DISP2: variants seen among roughly 807,000 people sequenced by gnomAD.
DISP2 encodes the protein protein dispatched homolog 2.
DISP2 carries 59 observed loss-of-function variants against 95.5 expected under a neutral mutation model. The ratio of observed to expected loss-of-function variants is 0.62; its 90% CI spans 0.50 to 0.77. The LOEUF (loss-of-function observed/expected upper bound fraction) is 0.77, where lower values mean the gene tolerates loss of function less well. Among genes scored for constraint, DISP2 ranks in the 30% least tolerant of loss-of-function variants. The pLI, the probability that DISP2 is intolerant of heterozygous loss-of-function variation, is 0.00. For missense variants in DISP2, 1,752 were observed against 1,854.6 expected, an observed-to-expected ratio of 0.94 and a Z score of 1.02; for synonymous variants, 827 against 815.0, an observed-to-expected ratio of 1.01 and a Z score of -0.25.
rs3803358 is a variant in DISP2 at position 40,370,572 on chromosome 15, C to T, written c.*254C>T. 66,986 of 699,276 alleles carry T rather than the reference C, an allele frequency of 0.096. 3,846 individuals are homozygous for T. Among genetic ancestry groups the T allele is most frequent in the Non-Finnish European group, 0.12 (47,915 of 391,292 alleles). The allele number at this position is 699,276 out of a possible 1,614,324, so 43.3% of individuals were successfully genotyped here. On this transcript the variant is annotated 3_prime_UTR_variant, in exon 8 of 8. Coordinates refer to ENST00000267889, the MANE Select transcript of DISP2 (RefSeq NM_033510.3). ...GACCTGCTGAGGGCTTGTCTGCTCC[C>T]ACAGCACCATCTAAGACCCCTCCTC... is the stretch of plus-strand genomic sequence containing the variant.
Position 40,368,697 on chromosome 15 carries a change from C to T in DISP2, c.2585C>T (p.Ser862Leu), listed in dbSNP as rs1465777679. The T allele has an allele frequency of 3.1e-6, 5 of 1,612,808 alleles. No homozygotes were observed. In the African/African-American group the frequency reaches 6.7e-5, roughly 22 times the overall value. The change falls in exon 8 of 8, where the codon TCG (serine) becomes TTG (leucine). Residue 862 changes from serine to leucine, a missense_variant. Physicochemically the swap from Ser to Leu is moderately radical, Grantham distance 145. Around this residue, in one of 5 missense-constraint regions of DISP2, gnomAD observed 317 missense variants for 394.9 expected, o/e 0.80. Coordinates refer to ENST00000267889, the MANE Select transcript of DISP2 (RefSeq NM_033510.3). The part of the protein sequence containing the change: ...RLGPDLCCGH[S>L]DFPWAPQFFL... ...GGGCCTGACCTCTGCTGCGGCCACT[C>T]GGACTTCCCCTGGGCCCCCCAGTTT...
At position 40,378,094 on chromosome 15, in the gene DISP2, A is replaced by G. The variant is rs1037819637; in HGVS notation, c.*7776A>G. 1.3e-5 allele frequency: 2 copies of G among 152,240 alleles called. No individual in the cohort carries two copies. Among genetic ancestry groups the G allele is most frequent in the African/African-American group, 2.4e-5 (1 of 41,460 alleles). 9.4% of individuals were successfully genotyped at this position (152,240 alleles called of 1,614,324 possible). A position where few individuals can be genotyped will look rare whatever the true frequency, so the allele number is the denominator to read the frequency against. ...AGCACCCAAAAATGTAAAATTCACA[A>G]TGGCTGGTTTTCCAATAAAAAATTA... On this transcript the variant is annotated 3_prime_UTR_variant, in exon 8 of 8. Coordinates refer to ENST00000267889, the MANE Select transcript of DISP2 (RefSeq NM_033510.3).
rs1338613897 is a variant in DISP2 at position 40,370,578 on chromosome 15, A to G, written c.*260A>G. On this transcript the variant is annotated 3_prime_UTR_variant, in exon 8 of 8. Coordinates refer to ENST00000267889, the MANE Select transcript of DISP2 (RefSeq NM_033510.3). ...CTGAGGGCTTGTCTGCTCCCACAGC[A>G]CCATCTAAGACCCCTCCTCTAGAAG... is the stretch of plus-strand genomic sequence containing the variant. 1.5e-6 allele frequency: 1 copy of G among 679,198 alleles called. No homozygotes were observed. Among genetic ancestry groups the G allele is most frequent in the South Asian group, 1.5e-5 (1 of 66,714 alleles). 42.1% of individuals were successfully genotyped at this position (679,198 alleles called of 1,614,324 possible).
chr15:40,362,438 G>A (rs1469183001), intron 1 of DISP2, among the ~76,000 whole-genome samples: 2 of 152,218 alleles, frequency 1.3e-5, no homozygotes, highest in Non-Finnish European at 2.9e-5. Flanking sequence ...ACTATTAGCA[G>A]CCAGCCTAGC....
Position 40,368,113 on chromosome 15 carries a change from G to A in DISP2, c.2001G>A (p.Arg667=). 1 of 1,366,344 alleles carries A rather than the reference G, an allele frequency of 7.3e-7. No homozygotes were observed. Among genetic ancestry groups the A allele is most frequent in the Non-Finnish European group, 9.4e-7 (1 of 1,068,544 alleles). 84.6% of individuals were successfully genotyped at this position (1,366,344 alleles called of 1,614,324 possible). A position where few individuals can be genotyped will look rare whatever the true frequency, so the allele number is the denominator to read the frequency against. The change falls in exon 8 of 8, where the codon CGG becomes CGA. Residue 667 remains arginine, a synonymous_variant. Coordinates refer to ENST00000267889, the MANE Select transcript of DISP2 (RefSeq NM_033510.3). ...RGRWEGSAPR[R]LLLALHRRLR... ...GGTGGGAGGGCAGCGCGCCCCGGCG[G>A]CTACTGCTGGCGCTGCACCGGCGGC...
intron 7 of DISP2, 95 bp downstream of exon 7, chr15:40,365,820 G>C: frequency 8.2e-7 from 1 of 1,222,136 alleles, no homozygotes; most frequent in Non-Finnish European, 1.2e-6. Context: ...GACTGCCAGG[G>C]GGTGGACTGG....
chr15:40,378,551 C>T lies in DISP2; in HGVS notation c.*8233C>T, dbSNP rs1432839935. The T allele has an allele frequency of 6.6e-6, 1 of 151,938 alleles. No homozygotes were observed. Among genetic ancestry groups the T allele is most frequent in the Non-Finnish European group, 1.5e-5 (1 of 67,992 alleles). 9.4% of individuals were successfully genotyped at this position (151,938 alleles called of 1,614,324 possible). On this transcript the variant is annotated 3_prime_UTR_variant, in exon 8 of 8. Transcript: ENST00000267889. ...ACTGAAACAAAACCATTGGGGGAAA[C>T]TGGGTAAAGAGTCCAAAGGACCTCC...
At position 40,369,056 on chromosome 15, in the gene DISP2, G is replaced by A; in HGVS notation, c.2944G>A (p.Gly982Ser). 1 of 1,614,036 alleles carries A rather than the reference G, an allele frequency of 6.2e-7. No homozygotes were observed. Among genetic ancestry groups the A allele is most frequent in the Non-Finnish European group, 8.5e-7 (1 of 1,180,046 alleles). The change falls in exon 8 of 8, where the codon GGC (glycine) becomes AGC (serine). Residue 982 changes from glycine to serine, a missense_variant. Coordinates refer to ENST00000267889, the MANE Select transcript of DISP2 (RefSeq NM_033510.3). ...LALAFATLLL[G>S]TWNVPLSLFS... is the part of the protein sequence containing the mutation. ...GCTGGCCTTTGCCACACTGCTCCTG[G>A]GCACCTGGAATGTTCCCCTCAGCCT...
intron 1 of DISP2, 69 bp downstream of exon 1, chr15:40,358,509 A>G: frequency 9.4e-7 from 1 of 1,059,622 alleles, no homozygotes; most frequent in Non-Finnish European, 1.2e-6. Flanking sequence ...AGGTATCCCC[A>G]GTAGCCGCCA....
chr15:40,370,288 C>T lies in DISP2; in HGVS notation c.4176C>T (p.Pro1392=), dbSNP rs1330208909. ...PDLPDVWLRR[P]STHTSGYSS is the part of the protein sequence containing the mutation. ...TGCCAGATGTTTGGCTGCGCAGGCCCAGCACTCACACGTCAGGCTATAGCA... is the reference window on the plus strand; with the variant it reads ...TGCCAGATGTTTGGCTGCGCAGGCCTAGCACTCACACGTCAGGCTATAGCA... The change falls in exon 8 of 8, where the codon CCC becomes CCT. Residue 1392 remains proline (P), a synonymous_variant. Coordinates refer to ENST00000267889, the MANE Select transcript of DISP2 (RefSeq NM_033510.3). 2.6e-6 allele frequency: 4 copies of T among 1,552,710 alleles called. No individual in the cohort carries two copies. The highest frequency in any genetic ancestry group is 3.5e-6 in the Non-Finnish European group (4 of 1,148,462).
In DISP2 at chr15:40,373,216, C is replaced by T. The variant is rs1177606983; in HGVS notation, c.*2898C>T. The T allele has an allele frequency of 6.6e-6, 1 of 152,192 alleles. No homozygotes were observed. The highest frequency in any genetic ancestry group is 2.1e-4 in the South Asian group (1 of 4,832). 9.4% of individuals were successfully genotyped at this position (152,192 alleles called of 1,614,324 possible). ...TGGCCCTGGAGACATGGCTTACAAG[C>T]ACGCTGTGAGGCGTACAAAAATGAG... On this transcript the variant is annotated 3_prime_UTR_variant, in exon 8 of 8. Transcript: ENST00000267889.
rs1889667291 is a variant in DISP2 at position 40,372,847 on chromosome 15, G to A, written c.*2529G>A. 1.3e-5 allele frequency: 2 copies of A among 152,188 alleles called. No individual in the cohort carries two copies. Among genetic ancestry groups the A allele is most frequent in the South Asian group, 4.1e-4 (2 of 4,834 alleles). The allele number at this position is 152,188 out of a possible 1,614,324, so 9.4% of individuals were successfully genotyped here. On this transcript the variant is annotated 3_prime_UTR_variant, in exon 8 of 8. Coordinates refer to ENST00000267889, the MANE Select transcript of DISP2 (RefSeq NM_033510.3). ...AGAGGGGTGGATGGGTGGGCATGAGGGATCTGAGCACACCCGAGGGCCCTA... is the reference window on the plus strand; with the variant it reads ...AGAGGGGTGGATGGGTGGGCATGAGAGATCTGAGCACACCCGAGGGCCCTA...
rs1889604904 is a variant in DISP2 at position 40,369,862 on chromosome 15, G to T, written c.3750G>T (p.Gln1250His). Residue 1250 changes from glutamine (Q) to histidine (H), a missense_variant, in exon 8 of 8, where the codon CAG (glutamine) becomes CAT (histidine). Physicochemically the swap from Gln to His is conservative, Grantham distance 24. This residue lies in a region of DISP2 where 347 missense variants were observed against 344.2 expected (regional missense o/e 1.01). Transcript: ENST00000267889. ...AGPSPKTRAR[Q>H]DSQGEEAEPL... ...CCAGCCCCAAAACCCGGGCCAGGCA[G>T]GACTCCCAAGGGGAGGAGGCTGAGC... The T allele has an allele frequency of 6.4e-7, 1 of 1,567,744 alleles. No individual in the cohort carries two copies. The highest frequency in any genetic ancestry group is 8.7e-7 in the Non-Finnish European group (1 of 1,154,884).
chr15:40,359,312 G>A lies in DISP2; in HGVS notation c.119+872G>A, dbSNP rs368733865. 2.0e-4 allele frequency among the ~76,000 whole-genome samples: 31 copies of A among 152,330 alleles called. 1 individual carries two copies. In the South Asian group the frequency reaches 4.1e-3, roughly 20 times the overall value. On this transcript the variant is annotated intron_variant, in intron 1 of 7. Transcript: ENST00000267889. Reference sequence around the variant, plus strand: ...TAGCAATAGCAGAAGTGGACACATCGTCTCCAGAATACCCCAGTTAAAATG... The same window carrying A: ...TAGCAATAGCAGAAGTGGACACATCATCTCCAGAATACCCCAGTTAAAATG...
rs1028134759 is a variant in DISP2, at chr15:40,373,634, G to C, written c.*3316G>C. The C allele has an allele frequency of 6.6e-6, 1 of 152,128 alleles. No homozygotes were observed. The highest frequency in any genetic ancestry group is 2.4e-5 in the African/African-American group (1 of 41,390). The allele number at this position is 152,128 out of a possible 1,614,324, so 9.4% of individuals were successfully genotyped here. A position where few individuals can be genotyped will look rare whatever the true frequency, so the allele number is the denominator to read the frequency against. ...CAGGAAAATCATTTGAACCCGGGAT[G>C]CAGAGGTTGAAGTGAGCCGAGATCG... On this transcript the variant is annotated 3_prime_UTR_variant, in exon 8 of 8. Transcript: ENST00000267889.
chr15:40,363,946 C>T lies in DISP2; in HGVS notation c.441C>T (p.Val147=). The change falls in exon 2 of 8, where the codon GTC becomes GTT. Residue 147 remains valine, a synonymous_variant. Coordinates refer to ENST00000267889, the MANE Select transcript of DISP2 (RefSeq NM_033510.3). ...CACCCGCTGTGCAGCACCATGTGGT[C>T]AGCGTCAGGTAAGGAGGGGTCCAGC... is the stretch of plus-strand genomic sequence containing the variant. The part of the protein sequence containing the change: ...WKPPAVQHHV[V]SVRQERAFQM... 1.3e-6 allele frequency: 2 copies of T among 1,527,624 alleles called. No homozygotes were observed. Among genetic ancestry groups the T allele is most frequent in the East Asian group, 2.3e-5 (1 of 44,094 alleles). 94.6% of individuals were successfully genotyped at this position (1,527,624 alleles called of 1,614,324 possible). A position where few individuals can be genotyped will look rare whatever the true frequency, so the allele number is the denominator to read the frequency against.
At position 40,367,310 on chromosome 15, in the gene DISP2, A is replaced by G; in HGVS notation, c.1198A>G (p.Thr400Ala). The G allele has an allele frequency of 6.2e-7, 1 of 1,613,602 alleles. No homozygotes were observed. The highest frequency in any genetic ancestry group is 8.5e-7 in the Non-Finnish European group (1 of 1,179,920). ...GTCCCCACGCTGTGCCCAGGTTCCCACCAAGTGCTCCCAGAGTAGTGCCAT... is the reference window on the plus strand; with the variant it reads ...GTCCCCACGCTGTGCCCAGGTTCCCGCCAAGTGCTCCCAGAGTAGTGCCAT... ...NKSPRCAQVP[T>A]KCSQSSAIYQ... The change falls in exon 8 of 8, where the codon ACC becomes GCC. Residue 400 changes from threonine to alanine, a missense_variant. Physicochemically the swap from Thr to Ala is moderately conservative, Grantham distance 58. Around this residue, in one of 5 missense-constraint regions of DISP2, gnomAD observed 732 missense variants for 714.6 expected, o/e 1.02. Transcript: ENST00000267889.
chr15:40,377,505 A>G lies in DISP2; in HGVS notation c.*7187A>G, dbSNP rs144557634. The stretch of plus-strand genomic sequence containing the variant: ...CAGTGATCTCTCAGAGGCAAGAAAC[A>G]AACAAGGAGAACCCCTCGGTTGCCC... On this transcript the variant is annotated 3_prime_UTR_variant, in exon 8 of 8. Coordinates refer to ENST00000267889, the MANE Select transcript of DISP2 (RefSeq NM_033510.3). 3.7e-4 allele frequency: 57 copies of G among 152,336 alleles called. No homozygotes were observed. Among genetic ancestry groups the G allele is most frequent in the African/African-American group, 1.3e-3 (53 of 41,562 alleles). 9.4% of individuals were successfully genotyped at this position (152,336 alleles called of 1,614,324 possible). A position where few individuals can be genotyped will look rare whatever the true frequency, so the allele number is the denominator to read the frequency against.
intron 1 of DISP2, among the ~76,000 whole-genome samples, chr15:40,362,094 T>G (rs1178852275): frequency 1.3e-5 from 2 of 152,078 alleles, no homozygotes; most frequent in East Asian, 3.9e-4. Flanking sequence ...CCCTTATGAG[T>G]AATTTTGGGA....
Sources: allele counts gnomAD v4.1 joint callset (sites outside exome capture counted in the v4.1 genomes callset), GRCh38; gene constraint gnomAD v4.1.1; regional missense constraint gnomAD v4.1.1; transcripts MANE v1.5; gene names NCBI Gene and HGNC (gene_info 2026-07-23, HGNC 2026-07-21).